Variants in TBXAS1 observed in about 807,000 individuals in gnomAD.
TBXAS1 encodes thromboxane-A synthase.
In TBXAS1, 48 loss-of-function variants were observed where a neutral mutation model predicts 60.7. The observed-to-expected ratio is 0.79, with a 90% CI of 0.63 to 1.01. The LOEUF (loss-of-function observed/expected upper bound fraction) is 1.01, where lower values mean the gene tolerates loss of function less well. Ranked by LOEUF, TBXAS1 falls within the 50% of genes least tolerant of loss-of-function variation. The pLI is 0.00. For missense variants in TBXAS1, 685 were observed against 686.3 expected (o/e 1.00, Z 0.02); for synonymous variants, 287 against 269.7 (o/e 1.06, Z -0.63).
At chr7:139,894,568 TAG>T (rs1584788729) in intron 3 of TBXAS1, among the ~76,000 whole-genome samples, 1 of 152,226 alleles carries the variant, frequency 6.6e-6, no homozygotes, top group African/African-American at 2.4e-5. Context: ...CTAGCAGATA[TAG>T]AGACAGTGAC....
intron 3 of TBXAS1, among the ~76,000 whole-genome samples, chr7:139,910,238 A>G (rs1805410586): frequency 6.6e-6 from 1 of 152,172 alleles, no homozygotes; most frequent in South Asian, 2.1e-4. Flanking sequence ...GTACTTTTGT[A>G]AGTATAATAT....
chr7:139,846,506 T>C lies in TBXAS1; in HGVS notation c.89+17027T>C, dbSNP rs1488819899. Among the ~76,000 whole-genome samples the C allele has an allele frequency of 2.0e-5, 3 of 152,172 alleles. No individual in the cohort carries two copies. In the East Asian group the frequency reaches 5.8e-4, roughly 29 times the overall value. ...GAGCAGTGCATGGCACAGCTCAGGG[T>C]CAATAAACATTAGCTCTTAGTGTTA... On this transcript the variant is annotated intron_variant, in intron 1 of 12. Transcript: ENST00000448866.
At chr7:140,015,215 C>T (rs943508641) in intron 10 of TBXAS1, among the ~76,000 whole-genome samples, 1 of 152,050 alleles carries the variant, frequency 6.6e-6, no homozygotes, top group Non-Finnish European at 1.5e-5. Flanking sequence ...TGGGGACCAT[C>T]CACAGGAGGG....
chr7:139,930,515 T>C (rs1306128391), intron 4 of TBXAS1, among the ~76,000 whole-genome samples: 2 of 152,216 alleles, frequency 1.3e-5, no homozygotes, highest in African/African-American at 4.8e-5. Flanking sequence ...GAGCCAATAT[T>C]TGAACCCAGG....
At chr7:140,000,101 T>C (rs1012262167) in intron 9 of TBXAS1, among the ~76,000 whole-genome samples, 11 of 152,214 alleles carry the variant, frequency 7.2e-5, no homozygotes, top group African/African-American at 2.4e-4. Context: ...AAGAGATTAA[T>C]AGGAGAGGGC....
chr7:139,891,857 T>A (rs1398515185), intron 3 of TBXAS1, among the ~76,000 whole-genome samples: 2 of 152,174 alleles, frequency 1.3e-5, no homozygotes, highest in East Asian at 3.9e-4. Flanking sequence ...TGGTACTATT[T>A]TACTGGAGAC....
intron 1 of TBXAS1, among the ~76,000 whole-genome samples, chr7:139,830,822 T>C (rs1177230879): frequency 2.0e-5 from 3 of 152,172 alleles, no homozygotes; most frequent in Non-Finnish European, 4.4e-5. Flanking sequence ...AATGTGCTTA[T>C]TCATATTAAT....
At chr7:139,878,114 A>AGAGAGAGAGAGAGAGAAG (rs1476848192) in intron 3 of TBXAS1, among the ~76,000 whole-genome samples, 1 of 151,236 alleles carries the variant, frequency 6.6e-6, no homozygotes, top group East Asian at 1.9e-4. Flanking sequence ...TGTGTGAGAG[A>AGAGAGAGAGAGAGAGAAG]GAGAGAGAGA....
chr7:139,952,584 G>T, intron 5 of TBXAS1: 7 of 1,537,242 alleles, frequency 4.6e-6, no homozygotes, highest in Non-Finnish European at 6.1e-6. Flanking sequence ...GAGAATAAAA[G>T]GTCACATGGG....
chr7:139,938,262 A>G (rs1203688130), intron 5 of TBXAS1, among the ~76,000 whole-genome samples: 1 of 152,152 alleles, frequency 6.6e-6, no homozygotes, highest in Non-Finnish European at 1.5e-5. Context: ...AGTGGGGCCC[A>G]CCGGGATCAC....
chr7:139,788,395 G>C (rs1797267315), intron 4 of TBXAS1, among the ~76,000 whole-genome samples: 1 of 152,160 alleles, frequency 6.6e-6, no homozygotes, highest in African/African-American at 2.4e-5. Context: ...TAGAATGTAA[G>C]TTTCACAAAG....
Position 139,829,385 on chromosome 7 carries a change from G to A in TBXAS1, c.-6G>A, listed in dbSNP as rs370626399. The A allele has an allele frequency of 3.8e-5, 62 of 1,613,296 alleles. 3 individuals carry two copies. In the Middle Eastern group the frequency reaches 4.5e-3, roughly 116 times the overall value. On this transcript the variant is annotated 5_prime_UTR_variant, in exon 1 of 13. Coordinates refer to ENST00000448866, the MANE Select transcript of TBXAS1 (RefSeq NM_001061.7). ...AAGACCACCACTCTGGGGTCTCAGA[G>A]GAATGATGGAAGCCTTGGGGTTTCT...
At chr7:139,816,341 C>T (rs890991229) in intron 4 of TBXAS1, among the ~76,000 whole-genome samples, 1 of 152,134 alleles carries the variant, frequency 6.6e-6, no homozygotes, top group Admixed American at 6.5e-5. Context: ...GAGGAGCGTG[C>T]TTGAGACAGA....
chr7:140,007,073 T>A lies in TBXAS1; in HGVS notation c.1135-18T>A. 1 of 1,612,136 alleles carries A rather than the reference T, an allele frequency of 6.2e-7. No homozygotes were observed. Among genetic ancestry groups the A allele is most frequent in the South Asian group, 1.1e-5 (1 of 91,028 alleles). ...GGGCTAACACGAACTTCTCCCTTTGTCACGACCCCTCCATCAGATGGCCCC... is the reference window on the plus strand; with the variant it reads ...GGGCTAACACGAACTTCTCCCTTTGACACGACCCCTCCATCAGATGGCCCC... On this transcript the variant is annotated intron_variant, in intron 9 of 12. Transcript: ENST00000448866.
chr7:139,956,186 G>C (rs1463137525), intron 7 of TBXAS1, among the ~76,000 whole-genome samples: 2 of 152,006 alleles, frequency 1.3e-5, no homozygotes, highest in Non-Finnish European at 2.9e-5. Flanking sequence ...CGCTGTTGTT[G>C]TCCAGGCTGG....
At chr7:139,894,384 G>C (rs1198118032) in intron 3 of TBXAS1, among the ~76,000 whole-genome samples, 1 of 152,130 alleles carries the variant, frequency 6.6e-6, no homozygotes, top group Non-Finnish European at 1.5e-5. Context: ...TGGTGGAGCT[G>C]GTTCTCTGGC....
chr7:139,822,984 T>G (rs550565696), intron 4 of TBXAS1, among the ~76,000 whole-genome samples: 1 of 152,184 alleles, frequency 6.6e-6, no homozygotes, highest in African/African-American at 2.4e-5. Flanking sequence ...GATGAACTTC[T>G]TGGTATGGCC....
intron 1 of TBXAS1, among the ~76,000 whole-genome samples, chr7:139,845,350 C>G (rs1799726801): frequency 6.6e-6 from 1 of 152,128 alleles, no homozygotes; most frequent in Non-Finnish European, 1.5e-5. Flanking sequence ...CGCTTCTCAC[C>G]TGGTGCCTGG....
intron 1 of TBXAS1, among the ~76,000 whole-genome samples, chr7:139,779,724 A>G (rs574903303): frequency 6.6e-6 from 1 of 152,286 alleles, no homozygotes; most frequent in East Asian, 1.9e-4. Flanking sequence ...CCTGGCTAAC[A>G]TCCTCTAAGG....
Sources: gnomAD v4.1 joint callset for allele counts (sites outside exome capture counted in the v4.1 genomes callset) on GRCh38, gnomAD v4.1.1 for gene constraint, MANE v1.5 for transcripts, NCBI Gene and HGNC (gene_info 2026-07-23, HGNC 2026-07-21) for gene names.